The following APBB2 variants were observed in gnomAD, a reference collection of about 807,000 sequenced individuals.
APBB2 encodes amyloid beta precursor protein binding family B member 2, also known as Fe65-like 1.
APBB2 carries 38 observed loss-of-function variants against 82.5 expected under a neutral mutation model. The ratio of observed to expected loss-of-function variants is 0.46; its 90% CI spans 0.36 to 0.60. The LOEUF is 0.60. Among genes scored for constraint, APBB2 ranks in the 20% least tolerant of loss-of-function variants. The pLI is 0.00. For missense variants in APBB2, 772 were observed against 972.3 expected (o/e 0.79, Z 2.74); for synonymous variants, 341 against 368.2 (o/e 0.93, Z 0.85).
chr4:41,171,768 G>T (rs1768324438), intron 1 of APBB2, among the ~76,000 whole-genome samples: 1 of 152,150 alleles, frequency 6.6e-6, no homozygotes, highest in African/African-American at 2.4e-5. Context: ...AGACCAGTCT[G>T]GCCAACATGG....
chr4:41,208,192 T>A (rs546309722), intron 1 of APBB2, among the ~76,000 whole-genome samples: 4 of 152,306 alleles, frequency 2.6e-5, no homozygotes, highest in Non-Finnish European at 5.9e-5. Context: ...CCCTCTGGAA[T>A]TCCGCAAAGT....
intron 12 of APBB2, among the ~76,000 whole-genome samples, chr4:40,850,567 AAATCTCAG>A (rs1759014482): frequency 6.6e-6 from 1 of 152,190 alleles, no homozygotes; most frequent in African/African-American, 2.4e-5. Flanking sequence ...TGATCCCCCC[AAATCTCAG>A]ACTGTTTTGT....
At chr4:40,824,808 G>A (rs1262574980) in intron 15 of APBB2, among the ~76,000 whole-genome samples, 1 of 152,072 alleles carries the variant, frequency 6.6e-6, no homozygotes, top group Non-Finnish European at 1.5e-5. Flanking sequence ...ATCAATTTTA[G>A]AACAGTTTCA....
At chr4:40,873,930 G>A (rs1166098943) in intron 12 of APBB2, among the ~76,000 whole-genome samples, 2 of 152,006 alleles carry the variant, frequency 1.3e-5, no homozygotes, top group African/African-American at 4.8e-5. Flanking sequence ...TGGTTAATGG[G>A]GCATTACAAT....
intron 1 of APBB2, among the ~76,000 whole-genome samples, chr4:41,195,269 T>A: frequency 6.6e-6 from 1 of 152,044 alleles, no homozygotes; most frequent in Non-Finnish European, 1.5e-5. Flanking sequence ...ATGGCTGAAA[T>A]CCCCACCAAA....
At position 41,015,414 on chromosome 4, in the gene APBB2, T is replaced by C. The variant is rs1056956276; in HGVS notation, c.20-1016A>G. 2.0e-5 allele frequency among the ~76,000 whole-genome samples: 3 copies of C among 152,216 alleles called. No homozygotes were observed. The East Asian group carries it at 5.8e-4, about 29-fold the overall frequency. On this transcript the variant is annotated intron_variant, in intron 5 of 17. Transcript: ENST00000508593. ...CACAGAGACTTTGGTGATCTCTACC[T>C]CAGCAGCAGATGAACCAAAGCACAG...
At chr4:41,050,820 CA>C (rs1725664005) in intron 4 of APBB2, among the ~76,000 whole-genome samples, 1 of 152,152 alleles carries the variant, frequency 6.6e-6, no homozygotes, top group African/African-American at 2.4e-5. Flanking sequence ...TTTTTTTCCA[CA>C]AAGGTATCAG....
At chr4:40,898,513 C>G (rs1372601255) in intron 10 of APBB2, among the ~76,000 whole-genome samples, 2 of 152,118 alleles carry the variant, frequency 1.3e-5, no homozygotes, top group African/African-American at 4.8e-5. Context: ...GATCCACCCA[C>G]CTTGGCCTCC....
intron 4 of APBB2, among the ~76,000 whole-genome samples, chr4:41,042,037 C>T (rs1721702978): frequency 6.6e-6 from 1 of 152,158 alleles, no homozygotes; most frequent in South Asian, 2.1e-4. Context: ...GTCACCCAGG[C>T]TGGAGTGCAG....
At chr4:40,976,082 T>C (rs1046501185) in intron 6 of APBB2, among the ~76,000 whole-genome samples, 1 of 152,214 alleles carries the variant, frequency 6.6e-6, no homozygotes, top group Non-Finnish European at 1.5e-5. Context: ...ATCTGCAGTA[T>C]GAAGATTTAT....
intron 10 of APBB2, among the ~76,000 whole-genome samples, chr4:40,916,651 A>C (rs1377660279): frequency 6.6e-6 from 1 of 152,188 alleles, no homozygotes; most frequent in Non-Finnish European, 1.5e-5. Flanking sequence ...GCCACCAGGA[A>C]AGACAGACAG....
intron 1 of APBB2, among the ~76,000 whole-genome samples, chr4:41,190,800 C>T (rs1774215632): frequency 6.6e-6 from 1 of 152,032 alleles, no homozygotes. Flanking sequence ...AGTGGTTGCG[C>T]CATACAAAGT....
At chr4:41,015,675 A>G (rs998739464) in intron 5 of APBB2, among the ~76,000 whole-genome samples, 4 of 152,180 alleles carry the variant, frequency 2.6e-5, no homozygotes, top group African/African-American at 9.7e-5. Context: ...GGCCATTTTT[A>G]TAACAGTATG....
intron 6 of APBB2, among the ~76,000 whole-genome samples, chr4:40,990,871 G>A (rs1183059770): frequency 2.0e-5 from 3 of 152,236 alleles, no homozygotes; most frequent in African/African-American, 4.8e-5. Flanking sequence ...TCATGAAGGT[G>A]TAAATTGGGT....
At chr4:40,860,983 G>A (rs375069239) in intron 12 of APBB2, among the ~76,000 whole-genome samples, 10 of 152,096 alleles carry the variant, frequency 6.6e-5, no homozygotes, top group Admixed American at 3.9e-4. Context: ...CTTTGCTTTC[G>A]AAGCATTAAG....
At chr4:41,169,802 G>A (rs1767746638) in intron 1 of APBB2, among the ~76,000 whole-genome samples, 1 of 150,952 alleles carries the variant, frequency 6.6e-6, no homozygotes, top group African/African-American at 2.4e-5. Context: ...TTTTACCAGA[G>A]TAAAGATCCA....
intron 2 of APBB2, among the ~76,000 whole-genome samples, chr4:41,128,214 G>A (rs902166517): frequency 1.3e-5 from 2 of 152,172 alleles, no homozygotes; most frequent in Admixed American, 6.5e-5. Flanking sequence ...AAACCACAAT[G>A]ATATACTGTC....
At chr4:40,951,521 G>T (rs1305511330) in intron 6 of APBB2, among the ~76,000 whole-genome samples, 1 of 152,256 alleles carries the variant, frequency 6.6e-6, no homozygotes, top group African/African-American at 2.4e-5. Flanking sequence ...CCATGGCTTG[G>T]TGCAACTGCG....
chr4:40,906,464 C>CAAAAAAAAA (rs5857755), intron 10 of APBB2, among the ~76,000 whole-genome samples: 6 of 67,990 alleles, frequency 8.8e-5, no homozygotes, highest in Admixed American at 4.0e-4. Context: ...AAACCTGTCT[C>CAAAAAAAAA]AAAAAAAAAA....
Sources: allele counts gnomAD v4.1 joint callset (sites outside exome capture counted in the v4.1 genomes callset), GRCh38; gene constraint gnomAD v4.1.1; transcripts MANE v1.5; gene names NCBI Gene and HGNC (gene_info 2026-07-23, HGNC 2026-07-21).